KIRREL3: variants seen among roughly 807,000 people sequenced by gnomAD.
KIRREL3 encodes kin of IRRE-like protein 3.
A neutral mutation model predicts 89.7 loss-of-function variants in KIRREL3; 36 were observed. The observed-to-expected ratio is 0.40, with a 90% CI of 0.31 to 0.53. The LOEUF (loss-of-function observed/expected upper bound fraction) is 0.53, where lower values mean the gene tolerates loss of function less well. Ranked by LOEUF, KIRREL3 falls within the 20% of genes least tolerant of loss-of-function variation. The probability of loss-of-function intolerance (pLI) is 0.49; values close to 1 mark genes in which losing one functional copy is unlikely to be tolerated. For synonymous variants in KIRREL3, 445 were observed against 441.4 expected, an observed-to-expected ratio of 1.01 and a Z score of -0.10; for missense variants, 864 against 1,056.6, an observed-to-expected ratio of 0.82 and a Z score of 2.53.
rs908938894 is a variant in KIRREL3, at chr11:126,748,331, A to G, written c.56-185419T>C. Among the ~76,000 whole-genome samples the G allele has an allele frequency of 6.6e-6, 1 of 152,196 alleles. No homozygotes were observed. The highest frequency in any genetic ancestry group is 2.4e-5 in the African/African-American group (1 of 41,460). ...AGGAAACTGTGACAGCAATAAAAGA[A>G]CTAAATGTTTTCTAGGTCACCGCCT... On this transcript the variant is annotated intron_variant, in intron 1 of 16. Coordinates refer to ENST00000525144, the MANE Select transcript of KIRREL3 (RefSeq NM_032531.4). This position sits in a 1 kb window ranked among gnomAD's most constrained non-coding sequence, Gnocchi z 4.6.
rs1314734533 is a variant in KIRREL3 at position 126,440,228 on chromosome 11, G to A, written c.1353+221C>T. On this transcript the variant is annotated intron_variant, in intron 11 of 16. Transcript: ENST00000525144. ...GAGCCGTTCATGTCAGAGCTCAGCA[G>A]AATGGCAGCTGAACCCTGGGAGAGC... 2.6e-5 allele frequency: 18 copies of A among 697,252 alleles called. No individual in the cohort carries two copies. The East Asian group carries it at 4.9e-4, about 19-fold the overall frequency. 43.2% of individuals were successfully genotyped at this position (697,252 alleles called of 1,614,324 possible). A position where few individuals can be genotyped will look rare whatever the true frequency, so the allele number is the denominator to read the frequency against.
At chr11:126,881,193 T>G (rs2134712773) in intron 1 of KIRREL3, among the ~76,000 whole-genome samples, 1 of 152,270 alleles carries the variant, frequency 6.6e-6, no homozygotes, top group African/African-American at 2.4e-5. Context: ...AATATATCTT[T>G]TAGGAGCTGG....
At chr11:126,540,873 C>A (rs1368735519) in intron 2 of KIRREL3, among the ~76,000 whole-genome samples, 1 of 152,224 alleles carries the variant, frequency 6.6e-6, no homozygotes, top group Non-Finnish European at 1.5e-5. Flanking sequence ...GGGACCCTGG[C>A]TAAGCCCCCT....
intron 11 of KIRREL3, among the ~76,000 whole-genome samples, chr11:126,438,162 G>C (rs1955431691): frequency 6.6e-6 from 1 of 152,254 alleles, no homozygotes; most frequent in South Asian, 2.1e-4. Context: ...TGGCTGCCTG[G>C]GTGGGTGTGA....
chr11:126,804,422 A>G (rs10790834), intron 1 of KIRREL3, among the ~76,000 whole-genome samples: 29,612 of 152,158 alleles, frequency 0.19, 3,635 homozygotes, highest in East Asian at 0.46. Flanking sequence ...TGGAAGGGAA[A>G]TGTGTATAAA....
intron 1 of KIRREL3, among the ~76,000 whole-genome samples, chr11:126,716,534 C>A (rs1371894859): frequency 6.6e-6 from 1 of 152,066 alleles, no homozygotes; most frequent in African/African-American, 2.4e-5. Context: ...CAGGAAGGGA[C>A]TGACTTTTAT....
intron 7 of KIRREL3, among the ~76,000 whole-genome samples, chr11:126,453,523 A>T (rs915300571): frequency 6.6e-6 from 1 of 152,250 alleles, no homozygotes; most frequent in African/African-American, 2.4e-5. Context: ...AGTTAGGAAA[A>T]ATCAATGTAC....
At chr11:126,855,004 C>A (rs7105625) in intron 1 of KIRREL3, among the ~76,000 whole-genome samples, 131,539 of 152,070 alleles carry the variant, frequency 0.86, 57,264 homozygotes, top group East Asian at 1. Context: ...AGGCACAGAG[C>A]TGTTCAGCCC....
intron 1 of KIRREL3, among the ~76,000 whole-genome samples, chr11:126,945,888 T>C (rs1225088302): frequency 6.6e-6 from 1 of 152,210 alleles, no homozygotes; most frequent in East Asian, 1.9e-4. Flanking sequence ...TGAGGCCTAT[T>C]AAGGTCCCTT....
In KIRREL3 at chr11:126,695,226, T is replaced by A. The variant is rs139318348; in HGVS notation, c.56-132314A>T. Among the ~76,000 whole-genome samples the A allele has an allele frequency of 2.0e-4, 31 of 152,224 alleles. 1 individual carries two copies. In the East Asian group the frequency reaches 6.0e-3, roughly 29 times the overall value. On this transcript the variant is annotated intron_variant, in intron 1 of 16. Transcript: ENST00000525144. ...AATTCATTGGTATTTTGGGGTTCTC[T>A]TATCTGTGTGATCAGAAGGTCTGAG... is the stretch of plus-strand genomic sequence containing the variant.
In KIRREL3 at chr11:126,805,657, T is replaced by C. The variant is rs568391378; in HGVS notation, c.55+194798A>G. On this transcript the variant is annotated intron_variant, in intron 1 of 16. Transcript: ENST00000525144. The surrounding 1 kb of genome is among the most constrained non-coding windows in gnomAD (Gnocchi z 4.3). ...TCAGGGTGATTGCTAAACTCCACAGTACAAAGTATGTAATAGATATTACGT... is the reference window on the plus strand; with the variant it reads ...TCAGGGTGATTGCTAAACTCCACAGCACAAAGTATGTAATAGATATTACGT... Among the ~76,000 whole-genome samples the C allele has an allele frequency of 6.6e-6, 1 of 152,170 alleles. No homozygotes were observed. Among genetic ancestry groups the C allele is most frequent in the Non-Finnish European group, 1.5e-5 (1 of 68,034 alleles).
rs1946468483 is a variant in KIRREL3 at position 126,903,851 on chromosome 11, C to T, written c.55+96604G>A. On this transcript the variant is annotated intron_variant, in intron 1 of 16. Coordinates refer to ENST00000525144, the MANE Select transcript of KIRREL3 (RefSeq NM_032531.4). This position sits in a 1 kb window ranked among gnomAD's most constrained non-coding sequence, Gnocchi z 4.5. ...TATATTAGAAGTTCTATTGCTACCC[C>T]CTCTAGGGAGACTGGATTATTTGGG... Among the ~76,000 whole-genome samples, 1 of 152,162 alleles carries T rather than the reference C, an allele frequency of 6.6e-6. No homozygotes were observed. Among genetic ancestry groups the T allele is most frequent in the Non-Finnish European group, 1.5e-5 (1 of 68,014 alleles).
chr11:126,985,477 G>A lies in KIRREL3; in HGVS notation c.55+14978C>T, dbSNP rs948044313. On this transcript the variant is annotated intron_variant, in intron 1 of 16. Coordinates refer to ENST00000525144, the MANE Select transcript of KIRREL3 (RefSeq NM_032531.4). The surrounding 1 kb of genome is among the most constrained non-coding windows in gnomAD (Gnocchi z 5.3). ...GGGGCGCTGTGGAATAAGGAAGGAA[G>A]GGCATTTAAATTAGATTGTGGGGAG... is the stretch of plus-strand genomic sequence containing the variant. Among the ~76,000 whole-genome samples, 8 of 152,152 alleles carry A rather than the reference G, an allele frequency of 5.3e-5. No homozygotes were observed. Among genetic ancestry groups the A allele is most frequent in the African/African-American group, 1.9e-4 (8 of 41,418 alleles).
chr11:126,750,105 T>C lies in KIRREL3; in HGVS notation c.56-187193A>G, dbSNP rs746270344. ...GGCTTTTTGTGGATATTGAAAATAATGGATGGAATAAATAAGTGCCTTGCA... is the reference window on the plus strand; with the variant it reads ...GGCTTTTTGTGGATATTGAAAATAACGGATGGAATAAATAAGTGCCTTGCA... On this transcript the variant is annotated intron_variant, in intron 1 of 16. Transcript: ENST00000525144. This position sits in a 1 kb window ranked among gnomAD's most constrained non-coding sequence, Gnocchi z 4.2. 2.6e-5 allele frequency among the ~76,000 whole-genome samples: 4 copies of C among 152,140 alleles called. No individual in the cohort carries two copies. Among genetic ancestry groups the C allele is most frequent in the Non-Finnish European group, 4.4e-5 (3 of 68,034 alleles).
Position 126,608,654 on chromosome 11 carries a change from C to A in KIRREL3, c.56-45742G>T, listed in dbSNP as rs1019159925. On this transcript the variant is annotated intron_variant, in intron 1 of 16. Coordinates refer to ENST00000525144, the MANE Select transcript of KIRREL3 (RefSeq NM_032531.4). This position sits in a 1 kb window ranked among gnomAD's most constrained non-coding sequence, Gnocchi z 4.9. ...AAAATCCTGTGGCTGCAGTAGGAGCCCCCTTCCCAGCCCTCCCTGGCTAAG... is the reference window on the plus strand; with the variant it reads ...AAAATCCTGTGGCTGCAGTAGGAGCACCCTTCCCAGCCCTCCCTGGCTAAG... Among the ~76,000 whole-genome samples, 2 of 152,198 alleles carry A rather than the reference C, an allele frequency of 1.3e-5. No homozygotes were observed. Among genetic ancestry groups the A allele is most frequent in the African/African-American group, 4.8e-5 (2 of 41,448 alleles).
Position 126,490,854 on chromosome 11 carries a change from A to G in KIRREL3, c.434-17388T>C, listed in dbSNP as rs114671873. On this transcript the variant is annotated intron_variant, in intron 4 of 16. Transcript: ENST00000525144. The surrounding 1 kb of genome is among the most constrained non-coding windows in gnomAD (Gnocchi z 4.2). ...GTAGCATTTGGAGTCAAATAGGAAG[A>G]CGCCACTGCTTCCTTCTGGAGTGCA... Among the ~76,000 whole-genome samples the G allele has an allele frequency of 2.0e-3, 304 of 152,216 alleles. 2 individuals carry two copies. Among genetic ancestry groups the G allele is most frequent in the African/African-American group, 7.0e-3 (292 of 41,520 alleles).
chr11:126,976,167 A>C lies in KIRREL3; in HGVS notation c.55+24288T>G, dbSNP rs1026627158. ...CATGCCACATTGTTAGCTCATATTGAGATTTCAATAAGATAACACTCCTCC... is the reference window on the plus strand; with the variant it reads ...CATGCCACATTGTTAGCTCATATTGCGATTTCAATAAGATAACACTCCTCC... On this transcript the variant is annotated intron_variant, in intron 1 of 16. Transcript: ENST00000525144. This position sits in a 1 kb window ranked among gnomAD's most constrained non-coding sequence, Gnocchi z 4.2. Among the ~76,000 whole-genome samples, 1 of 152,058 alleles carries C rather than the reference A, an allele frequency of 6.6e-6. No homozygotes were observed. The highest frequency in any genetic ancestry group is 2.4e-5 in the African/African-American group (1 of 41,410).
chr11:126,503,831 C>T (rs1334253283), intron 4 of KIRREL3, among the ~76,000 whole-genome samples: 1 of 151,334 alleles, frequency 6.6e-6, no homozygotes, highest in African/African-American at 2.4e-5. Context: ...TTCCTTCCCT[C>T]TCTCTCTTTC....
At chr11:126,878,369 T>G (rs1295412609) in intron 1 of KIRREL3, among the ~76,000 whole-genome samples, 2 of 152,158 alleles carry the variant, frequency 1.3e-5, no homozygotes, top group African/African-American at 4.8e-5. Flanking sequence ...CTGTTGCATT[T>G]CTAAGCAAGA....
Sources: gnomAD v4.1 joint callset for allele counts (sites outside exome capture counted in the v4.1 genomes callset) on GRCh38, gnomAD v4.1.1 for gene constraint, Gnocchi (gnomAD v3.1) non-coding constraint, MANE v1.5 for transcripts, NCBI Gene and HGNC (gene_info 2026-07-23, HGNC 2026-07-21) for gene names.